GK5: variants seen among roughly 807,000 people sequenced by gnomAD.
GK5 encodes the protein ATP:glycerol 3-phosphotransferase 5.
A neutral mutation model predicts 77.3 loss-of-function variants in GK5; 39 were observed. That is an observed-to-expected ratio of 0.50 (90% CI 0.39 to 0.66). GK5 has a LOEUF of 0.66. GK5 is among the 30% of genes least tolerant of loss of function. The pLI is 0.00. For synonymous variants in GK5, 211 were observed against 208.0 expected (o/e 1.01, Z -0.13); for missense variants, 487 against 633.8 (o/e 0.77, Z 2.49).
intron 1 of GK5, 66 bp downstream of exon 1, chr3:142,225,243 G>A (rs2064411034): frequency 6.9e-7 from 1 of 1,439,274 alleles, no homozygotes; most frequent in South Asian, 1.4e-5. Flanking sequence ...CTCGCCTCCC[G>A]AGGCCGGACC....
intron 4 of GK5, 70 bp downstream of exon 4, chr3:142,204,625 T>A: frequency 1.1e-6 from 1 of 871,220 alleles, no homozygotes; most frequent in Middle Eastern, 2.2e-4. Flanking sequence ...AGGTAGGAAA[T>A]AATACAATTA....
chr3:142,172,996 AATTCAAC>A lies in GK5; in HGVS notation c.1144-547_1144-541del. ...GGAGGGAGGATTGCTTCAGCCCAGG[AATTCAAC>A]ACTATCCTGGGCAACAAAGCAAGAT... On this transcript the variant is annotated intron_variant, in intron 12 of 15. Transcript: ENST00000392993. 3 of 223,168 alleles carry A rather than the reference AATTCAAC, an allele frequency of 1.3e-5. No homozygotes were observed. In the South Asian group the frequency reaches 1.8e-4, roughly 13 times the overall value. 13.8% of individuals were successfully genotyped at this position (223,168 alleles called of 1,614,324 possible).
In GK5 at chr3:142,165,554, C is replaced by T; in HGVS notation, c.*68G>A. ...CTTAGTCATTGTCATATGGGTTATC[C>T]CTGAGCTTCATCTCATCTGCACGTC... On this transcript the variant is annotated 3_prime_UTR_variant, in exon 16 of 16. Transcript: ENST00000392993. 8.4e-7 allele frequency: 1 copy of T among 1,194,712 alleles called. No individual in the cohort carries two copies. The highest frequency in any genetic ancestry group is 2.0e-4 in the Middle Eastern group (1 of 5,008). 74.0% of individuals were successfully genotyped at this position (1,194,712 alleles called of 1,614,324 possible).
At chr3:142,171,642 A>G (rs202196679) in intron 13 of GK5, among the ~76,000 whole-genome samples, 164 bp from the exon 14 acceptor site, 93 of 152,318 alleles carry the variant, frequency 6.1e-4, no homozygotes, top group Non-Finnish European at 1.1e-3. Context: ...TGGAAACTGT[A>G]TAACAGATAC....
chr3:142,185,757 T>C lies in GK5; in HGVS notation c.816+172A>G, dbSNP rs1383530740. 5 of 1,556,644 alleles carry C rather than the reference T, an allele frequency of 3.2e-6. No homozygotes were observed. The South Asian group carries it at 5.8e-5, about 18-fold the overall frequency. ...GGCTCAATGGTCCCCTTCCCAAAAA[T>C]ATAGCAGATATTCTGGTCATATCCA... On this transcript the variant is annotated intron_variant, in intron 9 of 15. Coordinates refer to ENST00000392993, the MANE Select transcript of GK5 (RefSeq NM_001039547.3).
intron 4 of GK5, among the ~76,000 whole-genome samples, chr3:142,201,819 G>A (rs1336812346): frequency 6.6e-6 from 1 of 152,154 alleles, no homozygotes; most frequent in African/African-American, 2.4e-5. Flanking sequence ...TCTTACAACT[G>A]CATGTGAATC....
chr3:142,202,041 C>A (rs1044213071), intron 4 of GK5, among the ~76,000 whole-genome samples: 1 of 152,058 alleles, frequency 6.6e-6, no homozygotes, highest in Non-Finnish European at 1.5e-5. Context: ...GGCAGAGAGA[C>A]CCCGTGCATG....
intron 3 of GK5, among the ~76,000 whole-genome samples, chr3:142,211,617 C>T (rs977809209): frequency 2.6e-5 from 4 of 152,130 alleles, no homozygotes; most frequent in Non-Finnish European, 1.5e-5. Flanking sequence ...CATGGTGAGA[C>T]TCCATCTCTA....
At chr3:142,200,108 C>T (rs1221894431) in intron 4 of GK5, among the ~76,000 whole-genome samples, 1 of 151,844 alleles carries the variant, frequency 6.6e-6, no homozygotes, top group Non-Finnish European at 1.5e-5. Context: ...TACACACACA[C>T]ACACACACAC....
At position 142,161,986 on chromosome 3, in the gene GK5, G is replaced by A. The variant is rs2063428960; in HGVS notation, c.*3636C>T. On this transcript the variant is annotated 3_prime_UTR_variant, in exon 16 of 16. Transcript: ENST00000392993. ...AGCTAATTTGTGTATTTTTTGTAGA[G>A]ATAGGGATTCGCCAGGTTGCCCAGG... 1 of 152,192 alleles carries A rather than the reference G, an allele frequency of 6.6e-6. No homozygotes were observed. Among genetic ancestry groups the A allele is most frequent in the Non-Finnish European group, 1.5e-5 (1 of 68,116 alleles). The allele number at this position is 152,192 out of a possible 1,614,324, so 9.4% of individuals were successfully genotyped here.
At position 142,225,456 on chromosome 3, in the gene GK5, C is replaced by G; in HGVS notation, c.-1G>C. The G allele has an allele frequency of 6.2e-7, 1 of 1,602,018 alleles. No homozygotes were observed. Among genetic ancestry groups the G allele is most frequent in the Non-Finnish European group, 8.5e-7 (1 of 1,178,116 alleles). ...CCGGGTCCGTGAGCAGCCCCGACAT[C>G]CCGATCCCGCACGCCTCTCCGCTAC... On this transcript the variant is annotated 5_prime_UTR_variant, in exon 1 of 16. Transcript: ENST00000392993.
In GK5 at chr3:142,206,234, T is replaced by C. The variant is rs576514273; in HGVS notation, c.318-1446A>G. ...CTGCTGCTTTAATATTGTTGTGAAG[T>C]ATCTGTTTGAGTCTTTGTTTTCAAT... On this transcript the variant is annotated intron_variant, in intron 3 of 15. Transcript: ENST00000392993. Among the ~76,000 whole-genome samples, 3 of 152,354 alleles carry C rather than the reference T, an allele frequency of 2.0e-5. No homozygotes were observed. The South Asian group carries it at 6.2e-4, about 32-fold the overall frequency.
intron 15 of GK5, among the ~76,000 whole-genome samples, chr3:142,169,637 T>C (rs954680324): frequency 1.3e-5 from 2 of 151,732 alleles, no homozygotes; most frequent in African/African-American, 4.8e-5. Flanking sequence ...CTATTCTTGA[T>C]AGTCCTCCAG....
intron 1 of GK5, among the ~76,000 whole-genome samples, chr3:142,216,559 T>C (rs930283457): frequency 1.3e-5 from 2 of 152,078 alleles, no homozygotes; most frequent in Non-Finnish European, 2.9e-5. Context: ...GTGTTTCTGC[T>C]GCCTAACCCC....
At chr3:142,202,123 C>T (rs955616892) in intron 4 of GK5, among the ~76,000 whole-genome samples, 2 of 152,098 alleles carry the variant, frequency 1.3e-5, no homozygotes, top group Non-Finnish European at 2.9e-5. Context: ...GATGCAGTTG[C>T]TAATCTTTAG....
intron 9 of GK5, among the ~76,000 whole-genome samples, chr3:142,184,179 T>A (rs1200634664): frequency 7.2e-6 from 1 of 139,300 alleles, no homozygotes; most frequent in Non-Finnish European, 1.5e-5. Flanking sequence ...GAGAATGGCA[T>A]GAGCCTGGAA....
Position 142,160,950 on chromosome 3 carries a change from T to C in GK5, c.*4672A>G, listed in dbSNP as rs2063420857. The C allele has an allele frequency of 6.6e-6, 1 of 152,262 alleles. No individual in the cohort carries two copies. Among genetic ancestry groups the C allele is most frequent in the African/African-American group, 2.4e-5 (1 of 41,466 alleles). 9.4% of individuals were successfully genotyped at this position (152,262 alleles called of 1,614,324 possible). The stretch of plus-strand genomic sequence containing the variant: ...GCTGCCCAAGCTGTAACTGAACTCC[T>C]GGCTTCAAGTGATCCTCTGGCCTCA... On this transcript the variant is annotated 3_prime_UTR_variant, in exon 16 of 16. Coordinates refer to ENST00000392993, the MANE Select transcript of GK5 (RefSeq NM_001039547.3).
intron 3 of GK5, among the ~76,000 whole-genome samples, chr3:142,208,572 A>T (rs2064144548): frequency 1.3e-5 from 2 of 152,234 alleles, no homozygotes; most frequent in Non-Finnish European, 2.9e-5. Context: ...GGCTGGTCTT[A>T]GCACCTTTGT....
At chr3:142,203,981 A>G (rs1191363017) in intron 4 of GK5, among the ~76,000 whole-genome samples, 1 of 152,060 alleles carries the variant, frequency 6.6e-6, no homozygotes, top group Admixed American at 6.6e-5. Context: ...CACCATCATC[A>G]TTGTCATTTA....
Sources: allele counts gnomAD v4.1 joint callset (sites outside exome capture counted in the v4.1 genomes callset), GRCh38; gene constraint gnomAD v4.1.1; transcripts MANE v1.5; gene names NCBI Gene and HGNC (gene_info 2026-07-23, HGNC 2026-07-21).